The following CPT2 variants were observed in gnomAD, a reference collection of about 807,000 sequenced individuals.
CPT2 encodes the protein carnitine palmitoyltransferase 2, also known as carnitine O-palmitoyltransferase 2, mitochondrial.
A neutral mutation model predicts 48.6 loss-of-function variants in CPT2; 37 were observed. The observed-to-expected ratio is 0.76, with a 90% CI of 0.59 to 1.00. The LOEUF (loss-of-function observed/expected upper bound fraction) is 1.00, where lower values mean the gene tolerates loss of function less well. Ranked by LOEUF, CPT2 falls within the 50% of genes least tolerant of loss-of-function variation. CPT2 has a pLI of 0.00. For missense variants in CPT2, 772 were observed against 825.6 expected (o/e 0.94, Z 0.80); for synonymous variants, 319 against 326.9 (o/e 0.98, Z 0.26).
In CPT2 at chr1:53,213,919, GTC is replaced by G; in HGVS notation, c.*327_*328del. 1 of 301,522 alleles carries G rather than the reference GTC, an allele frequency of 3.3e-6. No homozygotes were observed. The highest frequency in any genetic ancestry group is 8.4e-5 in the East Asian group (1 of 11,850). 18.7% of individuals were successfully genotyped at this position (301,522 alleles called of 1,614,324 possible). A position where few individuals can be genotyped will look rare whatever the true frequency, so the allele number is the denominator to read the frequency against. Reference sequence around the variant, plus strand: ...CCGGCCTGGGCGACAGAGCGAGACTGTCTCAAAAAAACAAAAAAGAAAAAAAA... The same window carrying G: ...CCGGCCTGGGCGACAGAGCGAGACTGTCAAAAAAACAAAAAAGAAAAAAAA... On this transcript the variant is annotated 3_prime_UTR_variant, in exon 5 of 5. Coordinates refer to ENST00000371486, the MANE Select transcript of CPT2 (RefSeq NM_000098.3).
At position 53,211,531 on chromosome 1, in the gene CPT2, G is replaced by A. The variant is rs115905875; in HGVS notation, c.1645+212G>A. On this transcript the variant is annotated intron_variant, in intron 4 of 4. Transcript: ENST00000371486. ...GTTCTTGCCTCCTAAGCAGGGGTGG[G>A]GAAATGCATGTGTCTTTGTCCTCAT... 812 of 587,160 alleles carry A rather than the reference G, an allele frequency of 1.4e-3. 9 individuals carry two copies. The highest frequency in any genetic ancestry group is 0.013 in the African/African-American group (712 of 53,812). 36.4% of individuals were successfully genotyped at this position (587,160 alleles called of 1,614,324 possible). A position where few individuals can be genotyped will look rare whatever the true frequency, so the allele number is the denominator to read the frequency against.
chr1:53,202,006 A>G (rs1645356931), intron 2 of CPT2: 1 of 350,848 alleles, frequency 2.9e-6, no homozygotes, highest in Non-Finnish European at 5.5e-6. Context: ...TTGAAAAGCA[A>G]CAGAGCTAGG....
At chr1:53,201,237 T>C in intron 2 of CPT2, 1 of 257,802 alleles carries the variant, frequency 3.9e-6, no homozygotes, top group Non-Finnish European at 7.7e-6. Flanking sequence ...TATGATCTTA[T>C]TTGGAATTAG....
At position 53,210,429 on chromosome 1, in the gene CPT2, A is replaced by G. The variant is rs1282285790; in HGVS notation, c.755A>G (p.Tyr252Cys). The change falls in exon 4 of 5, where the codon TAT (tyrosine) becomes TGT (cysteine). Residue 252 changes from tyrosine to cysteine, a missense_variant. Physicochemically the swap from Tyr to Cys is radical, Grantham distance 194. Transcript: ENST00000371486. ...HLLVLRKGNF[Y>C]IFDVLDQDGN... ...CTGGTCCTAAGGAAAGGAAATTTTT[A>G]TATCTTTGATGTCCTGGATCAAGAT... 8 of 1,614,012 alleles carry G rather than the reference A, an allele frequency of 5.0e-6. No homozygotes were observed. Among genetic ancestry groups the G allele is most frequent in the South Asian group, 1.1e-5 (1 of 91,090 alleles).
chr1:53,213,224 TC>T, intron 4 of CPT2, 39 bp from the exon 5 acceptor site: 3 of 1,609,474 alleles, frequency 1.9e-6, no homozygotes, highest in Non-Finnish European at 2.5e-6. Flanking sequence ...GAGGTCCTTT[TC>T]CATCCTGAGA....
Position 53,210,244 on chromosome 1 carries a change from A to C in CPT2, c.570A>C (p.Arg190Ser). The C allele has an allele frequency of 1.9e-6, 3 of 1,613,894 alleles. No individual in the cohort carries two copies. The highest frequency in any genetic ancestry group is 2.5e-6 in the Non-Finnish European group (3 of 1,179,992). ...PAKSDTITFKRLIRFVPSSLS... is the reference protein window; with the variant it reads ...PAKSDTITFKSLIRFVPSSLS... ...AAAGTGACACTATCACCTTCAAGAG[A>C]CTCATACGCTTTGTGCCTTCCTCTC... Residue 190 changes from arginine to serine, a missense_variant, in exon 4 of 5, where the codon AGA (arginine) becomes AGC (serine). Coordinates refer to ENST00000371486, the MANE Select transcript of CPT2 (RefSeq NM_000098.3).
rs201241649 is a variant in CPT2 at position 53,211,132 on chromosome 1, C to T, written c.1458C>T (p.Tyr486=). 7.4e-6 allele frequency: 12 copies of T among 1,613,812 alleles called. No homozygotes were observed. In the South Asian group the frequency reaches 8.8e-5, roughly 12 times the overall value. ...AGTACGGGCAGACAGTGGCCACCTA[C>T]GAGTCCTGTAGCACTGCCGCATTCA... is the stretch of plus-strand genomic sequence containing the variant. ...LRQYGQTVAT[Y]ESCSTAAFKH... Residue 486 remains tyrosine, a synonymous_variant, in exon 4 of 5, where the codon TAC becomes TAT. Coordinates refer to ENST00000371486, the MANE Select transcript of CPT2 (RefSeq NM_000098.3).
chr1:53,196,871 C>T lies in CPT2; in HGVS notation c.-73C>T. On this transcript the variant is annotated 5_prime_UTR_variant, in exon 1 of 5. Transcript: ENST00000371486. The stretch of plus-strand genomic sequence containing the variant: ...GACGCAGTGTCTTGGGCGCTAACGG[C>T]GGCGGCGGCCTTGTGTTTAGACTCC... The T allele has an allele frequency of 6.6e-7, 1 of 1,511,060 alleles. No homozygotes were observed. Among genetic ancestry groups the T allele is most frequent in the Non-Finnish European group, 8.8e-7 (1 of 1,130,984 alleles). The allele number at this position is 1,511,060 out of a possible 1,614,324, so 93.6% of individuals were successfully genotyped here. A position where few individuals can be genotyped will look rare whatever the true frequency, so the allele number is the denominator to read the frequency against.
rs1645425760 is a variant in CPT2, at chr1:53,211,223, G to C, written c.1549G>C (p.Val517Leu). 1.2e-6 allele frequency: 2 copies of C among 1,610,160 alleles called. No individual in the cohort carries two copies. The highest frequency in any genetic ancestry group is 4.5e-5 in the East Asian group (2 of 44,752). The change falls in exon 4 of 5, where the codon GTC becomes CTC. Residue 517 changes from valine (V) to leucine (L), a missense_variant. Physicochemically the swap from Val to Leu is conservative, Grantham distance 32. Coordinates refer to ENST00000371486, the MANE Select transcript of CPT2 (RefSeq NM_000098.3). Reference protein sequence around the residue: ...VYTKRCSEAFVREPSRHSAGE... With the variant: ...VYTKRCSEAFLREPSRHSAGE... ...TACAAAGAGGTGCTCTGAGGCCTTT[G>C]TCAGGGAGCCCTCCAGGCACAGTGC...
Position 53,200,733 on chromosome 1 carries a change from A to G in CPT2, c.167A>G (p.Lys56Arg). The G allele has an allele frequency of 6.2e-7, 1 of 1,613,948 alleles. No homozygotes were observed. Among genetic ancestry groups the G allele is most frequent in the Non-Finnish European group, 8.5e-7 (1 of 1,179,892 alleles). The part of the protein sequence containing the change: ...QDSLPRLPIP[K>R]LEDTIRRYLS... ...TTTCTCCCCAGGCTGCCTATTCCCA[A>G]ACTTGAAGACACCATTAGGAGATAC... Residue 56 changes from lysine to arginine, a missense_variant, in exon 2 of 5, where the codon AAA (lysine) becomes AGA (arginine). Coordinates refer to ENST00000371486, the MANE Select transcript of CPT2 (RefSeq NM_000098.3).
chr1:53,200,981 C>T (rs1572380252), intron 2 of CPT2, 182 bp downstream of exon 2: 6 of 663,374 alleles, frequency 9.0e-6, no homozygotes, highest in South Asian at 4.7e-5. Context: ...GACCAAGCCC[C>T]GAGAGTTCCT....
intron 4 of CPT2, 107 bp from the exon 5 acceptor site, chr1:53,213,157 C>A: frequency 9.2e-7 from 1 of 1,085,200 alleles, no homozygotes; most frequent in Non-Finnish European, 1.4e-6. Context: ...CCTTCCCCCA[C>A]TCTCAAGGAT....
chr1:53,205,216 C>G (rs1397231442), intron 3 of CPT2, among the ~76,000 whole-genome samples: 2 of 152,100 alleles, frequency 1.3e-5, no homozygotes, highest in African/African-American at 4.8e-5. Flanking sequence ...CTGAGGTGGT[C>G]TCAGATGGAG....
intron 3 of CPT2, among the ~76,000 whole-genome samples, chr1:53,204,701 A>C (rs568201298): frequency 1.1e-4 from 17 of 152,252 alleles, no homozygotes; most frequent in African/African-American, 4.1e-4. Flanking sequence ...GTGTTGAAGG[A>C]GGGACCTGGA....
Position 53,210,722 on chromosome 1 carries a change from C to G in CPT2, c.1048C>G (p.Arg350Gly), listed in dbSNP as rs151003641. The change falls in exon 4 of 5, where the codon CGC becomes GGC. Residue 350 changes from arginine (R) to glycine (G), a missense_variant. Physicochemically the swap from Arg to Gly is moderately radical, Grantham distance 125. Transcript: ENST00000371486. ...HNMLHGDGTN[R>G]WFDKSFNLII... is the part of the protein sequence containing the mutation. The stretch of plus-strand genomic sequence containing the variant: ...TATGCTGCATGGGGATGGCACAAAC[C>G]GCTGGTTTGATAAATCCTTTAACCT... The G allele has an allele frequency of 1.2e-6, 2 of 1,614,048 alleles. No individual in the cohort carries two copies. The highest frequency in any genetic ancestry group is 1.3e-5 in the African/African-American group (1 of 74,910).
intron 3 of CPT2, among the ~76,000 whole-genome samples, chr1:53,206,476 T>G (rs1319855040): frequency 6.6e-6 from 1 of 152,214 alleles, no homozygotes; most frequent in Non-Finnish European, 1.5e-5. Context: ...TGCCAGCCTG[T>G]AAAAGCAACC....
chr1:53,206,692 G>C (rs140735101), intron 3 of CPT2, among the ~76,000 whole-genome samples: 160 of 152,354 alleles, frequency 1.1e-3, no homozygotes, highest in African/African-American at 3.8e-3. Flanking sequence ...TTTGGAATGG[G>C]AGCATTTACC....
intron 1 of CPT2, among the ~76,000 whole-genome samples, chr1:53,198,999 A>T (rs1039609613): frequency 2.0e-5 from 3 of 152,254 alleles, no homozygotes; most frequent in African/African-American, 7.2e-5. Context: ...GTAGTTGCAG[A>T]TTCTGGATCT....
intron 4 of CPT2, among the ~76,000 whole-genome samples, chr1:53,212,420 A>G (rs925605953): frequency 6.6e-6 from 1 of 152,032 alleles, no homozygotes; most frequent in African/African-American, 2.4e-5. Flanking sequence ...AGGTGGTCTC[A>G]AACTCCTGGG....
Sources: allele counts gnomAD v4.1 joint callset (sites outside exome capture counted in the v4.1 genomes callset), GRCh38; gene constraint gnomAD v4.1.1; transcripts MANE v1.5; gene names NCBI Gene and HGNC (gene_info 2026-07-23, HGNC 2026-07-21).